Variants in BRAF observed in about 807,000 individuals in gnomAD.
BRAF encodes B-Raf proto-oncogene, serine/threonine kinase, also known as serine/threonine-protein kinase B-raf.
In BRAF, 16 loss-of-function variants were observed where a neutral mutation model predicts 104.6. The observed-to-expected ratio is 0.15, with a 90% CI of 0.10 to 0.23. The LOEUF is 0.23. BRAF is among the 10% of genes least tolerant of loss of function. BRAF has a pLI of 1.00. For missense variants in BRAF, 541 were observed against 937.3 expected, an observed-to-expected ratio of 0.58 and a Z score of 5.52; for synonymous variants, 310 against 341.6, an observed-to-expected ratio of 0.91 and a Z score of 1.02.
intron 3 of BRAF, among the ~76,000 whole-genome samples, chr7:140,823,113 C>T (rs932737423): frequency 7.9e-5 from 12 of 152,116 alleles, no homozygotes; most frequent in Admixed American, 7.2e-4. Context: ...TGTGAGCCAC[C>T]GTGTCCAGCC....
At chr7:140,891,168 G>A (rs1319277798) in intron 1 of BRAF, among the ~76,000 whole-genome samples, 1 of 152,168 alleles carries the variant, frequency 6.6e-6, no homozygotes, top group Non-Finnish European at 1.5e-5. Flanking sequence ...ATGAGAGGGT[G>A]TGGGGTAGAG....
intron 5 of BRAF, among the ~76,000 whole-genome samples, chr7:140,804,798 A>G (rs575164762): frequency 5.3e-5 from 8 of 151,136 alleles, no homozygotes; most frequent in African/African-American, 1.5e-4. Context: ...TCAAAAGTCT[A>G]CTTTTCTTTT....
At chr7:140,763,501 C>A (rs1203117738) in intron 14 of BRAF, among the ~76,000 whole-genome samples, 2 of 152,196 alleles carry the variant, frequency 1.3e-5, no homozygotes, top group Non-Finnish European at 2.9e-5. Flanking sequence ...GGCGGCTGGC[C>A]CAGGAGCTGG....
intron 17 of BRAF, among the ~76,000 whole-genome samples, chr7:140,748,034 T>G (rs1797494094): frequency 6.6e-6 from 1 of 152,220 alleles, no homozygotes; most frequent in Non-Finnish European, 1.5e-5. Context: ...TATAATGAAC[T>G]GGGTAGAAAT....
At chr7:140,859,756 C>T (rs1199011924) in intron 1 of BRAF, among the ~76,000 whole-genome samples, 8 of 146,890 alleles carry the variant, frequency 5.4e-5, no homozygotes. Context: ...AGCATGATCT[C>T]GGCTCACTGC....
At chr7:140,756,881 A>G (rs1231934400) in intron 14 of BRAF, among the ~76,000 whole-genome samples, 2 of 152,168 alleles carry the variant, frequency 1.3e-5, no homozygotes, top group African/African-American at 4.8e-5. Flanking sequence ...ATCTGGTAAA[A>G]TTTCTTCTCA....
intron 1 of BRAF, among the ~76,000 whole-genome samples, chr7:140,870,080 G>A (rs1431364939): frequency 4.6e-5 from 7 of 152,160 alleles, no homozygotes; most frequent in Non-Finnish European, 7.4e-5. Flanking sequence ...AGGCAGTGGT[G>A]AACATGTAAA....
intron 1 of BRAF, among the ~76,000 whole-genome samples, chr7:140,883,733 G>A (rs543698045): frequency 2.6e-5 from 4 of 152,254 alleles, no homozygotes; most frequent in South Asian, 2.1e-4. Context: ...CTCACTAACT[G>A]AAACTAACCC....
Position 140,721,587 on chromosome 7 carries a change from CCGCT to C in BRAF, c.*4903_*4906del. 1 of 1,530,214 alleles carries C rather than the reference CCGCT, an allele frequency of 6.5e-7. No homozygotes were observed. Among genetic ancestry groups the C allele is most frequent in the East Asian group, 2.5e-5 (1 of 40,570 alleles). The allele number at this position is 1,530,214 out of a possible 1,614,324, so 94.8% of individuals were successfully genotyped here. On this transcript the variant is annotated 3_prime_UTR_variant, in exon 20 of 20. Transcript: ENST00000644969. Reference sequence around the variant, plus strand: ...ATGGACCACAGATATACTGGTGACTCCGCTCTCCTCTGGCCAAGCTACAAATCAT... The same window carrying C: ...ATGGACCACAGATATACTGGTGACTCCTCCTCTGGCCAAGCTACAAATCAT...
chr7:140,884,704 C>T (rs1280988638), intron 1 of BRAF, among the ~76,000 whole-genome samples: 1 of 151,872 alleles, frequency 6.6e-6, no homozygotes, highest in Admixed American at 6.6e-5. Context: ...CTGCATTGGC[C>T]TCCCAAAGTG....
At chr7:140,890,704 T>G (rs572381025) in intron 1 of BRAF, among the ~76,000 whole-genome samples, 1 of 152,224 alleles carries the variant, frequency 6.6e-6, no homozygotes, top group Non-Finnish European at 1.5e-5. Flanking sequence ...GAACCTCTGG[T>G]GCAGGGCCCC....
In BRAF at chr7:140,800,409, G is replaced by C. The variant is rs1156530000; in HGVS notation, c.933C>G (p.Ala311=). 1.2e-6 allele frequency: 2 copies of C among 1,614,034 alleles called. No homozygotes were observed. Among genetic ancestry groups the C allele is most frequent in the East Asian group, 2.2e-5 (1 of 44,892 alleles). Residue 311 remains alanine, a synonymous_variant, in exon 7 of 20, where the codon GCC becomes GCG. Coordinates refer to ENST00000644969, the MANE Select transcript of BRAF (RefSeq NM_001374258.1). ...PQEEASLAET[A]LTSGSSPSAP... ...CGGAAGGGGATGATCCAGATGTTAG[G>C]GCAGTCTCTGCTAAGGACGCCTCTT...
At chr7:140,848,925 T>C (rs1808851908) in intron 2 of BRAF, among the ~76,000 whole-genome samples, 1 of 152,214 alleles carries the variant, frequency 6.6e-6, no homozygotes, top group African/African-American at 2.4e-5. Flanking sequence ...AACTTAACTT[T>C]CTCATAAAAT....
At chr7:140,892,557 T>C (rs1814367226) in intron 1 of BRAF, among the ~76,000 whole-genome samples, 1 of 152,172 alleles carries the variant, frequency 6.6e-6, no homozygotes, top group African/African-American at 2.4e-5. Context: ...GAACCTATCT[T>C]TGGGAGAACA....
intron 6 of BRAF, chr7:140,801,098 T>C (rs899872493): frequency 1.5e-5 from 4 of 259,574 alleles, no homozygotes; most frequent in African/African-American, 2.3e-5. Context: ...AAAATCATAA[T>C]GCTTAATTTA....
intron 17 of BRAF, among the ~76,000 whole-genome samples, chr7:140,746,979 C>A (rs1797405674): frequency 6.6e-6 from 1 of 152,138 alleles, no homozygotes; most frequent in Non-Finnish European, 1.5e-5. Context: ...CCACCTCAGA[C>A]TATGGGTATG....
intron 10 of BRAF, chr7:140,783,396 A>G (rs548436855): frequency 2.4e-6 from 1 of 415,602 alleles, no homozygotes; most frequent in Admixed American, 4.1e-5. Context: ...ACATAGACAC[A>G]TACTTTATTT....
chr7:140,734,799 A>AT, intron 18 of BRAF, 29 bp from the exon 18 acceptor site: 4 of 1,210,972 alleles, frequency 3.3e-6, no homozygotes, highest in Non-Finnish European at 4.2e-6. Flanking sequence ...AAAAAAAAGA[A>AT]AAAAAAAGAA....
intron 1 of BRAF, among the ~76,000 whole-genome samples, chr7:140,912,413 T>C (rs907211582): frequency 3.9e-5 from 6 of 152,218 alleles, no homozygotes; most frequent in African/African-American, 7.2e-5. Flanking sequence ...GATGCTCCTA[T>C]AGAAAGCCAA....
Sources: gnomAD v4.1 joint callset for allele counts (sites outside exome capture counted in the v4.1 genomes callset) on GRCh38, gnomAD v4.1.1 for gene constraint, MANE v1.5 for transcripts, NCBI Gene and HGNC (gene_info 2026-07-23, HGNC 2026-07-21) for gene names.